The following GRM4 variants were observed in gnomAD, a reference collection of about 807,000 sequenced individuals.
GRM4 encodes the protein metabotropic glutamate receptor 4.
In GRM4, 28 loss-of-function variants were observed where a neutral mutation model predicts 81.7. The observed-to-expected ratio is 0.34, with a 90% CI of 0.25 to 0.47. The LOEUF is 0.47. Among genes scored for constraint, GRM4 ranks in the 20% least tolerant of loss-of-function variants. The pLI is 1.00. For missense variants in GRM4, 948 were observed against 1,290.0 expected, an observed-to-expected ratio of 0.73 and a Z score of 4.06; for synonymous variants, 488 against 528.8, an observed-to-expected ratio of 0.92 and a Z score of 1.06.
chr6:34,106,438 A>G (rs1261198457), intron 2 of GRM4, among the ~76,000 whole-genome samples: 1 of 147,702 alleles, frequency 6.8e-6, no homozygotes, highest in Non-Finnish European at 1.5e-5. Flanking sequence ...AGAAAGAAAG[A>G]AAAAACAGAG....
chr6:34,153,847 A>C (rs1464753803), intron 1 of GRM4, among the ~76,000 whole-genome samples: 4 of 151,810 alleles, frequency 2.6e-5, no homozygotes, highest in African/African-American at 4.8e-5. Context: ...GAATCACTTG[A>C]ACCTGGGAGG....
In GRM4 at chr6:34,042,058, C is replaced by T. The variant is rs184003117; in HGVS notation, c.1169-1310G>A. Among the ~76,000 whole-genome samples the T allele has an allele frequency of 2.9e-3, 446 of 152,282 alleles. 1 individual carries two copies. The highest frequency in any genetic ancestry group is 0.01 in the African/African-American group (418 of 41,552). ...CTTGAGGTCAGGAGTTCAAGACCAG[C>T]CCAGCCAACACGCTGAAACCCCATC... On this transcript the variant is annotated intron_variant, in intron 6 of 10. Coordinates refer to ENST00000538487, the MANE Select transcript of GRM4 (RefSeq NM_000841.4). This position sits in a 1 kb window ranked among gnomAD's most constrained non-coding sequence, Gnocchi z 4.2.
At chr6:34,037,417 T>G (rs908874254) in intron 8 of GRM4, among the ~76,000 whole-genome samples, 1 of 152,206 alleles carries the variant, frequency 6.6e-6, no homozygotes, top group Non-Finnish European at 1.5e-5. Context: ...ACCTGGGAGC[T>G]GTATTCAAAG....
At chr6:34,120,015 G>A (rs1581716875) in intron 2 of GRM4, among the ~76,000 whole-genome samples, 2 of 152,336 alleles carry the variant, frequency 1.3e-5, no homozygotes, top group East Asian at 3.9e-4. Flanking sequence ...TCCAGGGCCA[G>A]GCTGGGGTTG....
At chr6:34,096,018 T>C (rs1372872588) in intron 2 of GRM4, among the ~76,000 whole-genome samples, 1 of 151,952 alleles carries the variant, frequency 6.6e-6, no homozygotes, top group Non-Finnish European at 1.5e-5. Context: ...GCTCCTCTCC[T>C]CTCCCAACAG....
chr6:34,080,830 T>A lies in GRM4; in HGVS notation c.736+11053A>T, dbSNP rs201276124. Among the ~76,000 whole-genome samples the A allele has an allele frequency of 1.6e-4, 23 of 140,444 alleles. No individual in the cohort carries two copies. Among genetic ancestry groups the A allele is most frequent in the African/African-American group, 3.3e-4 (12 of 35,976 alleles). 92.1% of individuals were successfully genotyped at this position (140,444 alleles called of 152,430 possible). A position where few individuals can be genotyped will look rare whatever the true frequency, so the allele number is the denominator to read the frequency against. ...CACTTCTCTCTTCTCTCTCTCTCTCTCACACACACACACACATACACACAC... is the reference window on the plus strand; with the variant it reads ...CACTTCTCTCTTCTCTCTCTCTCTCACACACACACACACACATACACACAC... On this transcript the variant is annotated intron_variant, in intron 3 of 10. Coordinates refer to ENST00000538487, the MANE Select transcript of GRM4 (RefSeq NM_000841.4). This position sits in a 1 kb window ranked among gnomAD's most constrained non-coding sequence, Gnocchi z 5.4.
chr6:34,127,921 T>TA (rs1187979101), intron 2 of GRM4, among the ~76,000 whole-genome samples: 2 of 151,786 alleles, frequency 1.3e-5, no homozygotes, highest in Non-Finnish European at 2.9e-5. Context: ...AAGACAGTGT[T>TA]CCCCCAGGGC....
chr6:34,059,393 T>C lies in GRM4; in HGVS notation c.873-265A>G. The C allele has an allele frequency of 1.9e-6, 1 of 513,486 alleles. No homozygotes were observed. The highest frequency in any genetic ancestry group is 3.6e-6 in the Non-Finnish European group (1 of 281,646). The allele number at this position is 513,486 out of a possible 1,614,324, so 31.8% of individuals were successfully genotyped here. On this transcript the variant is annotated intron_variant, in intron 4 of 10. Coordinates refer to ENST00000538487, the MANE Select transcript of GRM4 (RefSeq NM_000841.4). The surrounding 1 kb of genome is among the most constrained non-coding windows in gnomAD (Gnocchi z 5.7). ...CAGGCCCAGCGTGATTCTCCAGGCCTACATCTGTCCCTGCAAAGACCACAC... is the reference window on the plus strand; with the variant it reads ...CAGGCCCAGCGTGATTCTCCAGGCCCACATCTGTCCCTGCAAAGACCACAC...
Position 34,069,343 on chromosome 6 carries a change from G to C in GRM4, c.737-7315C>G, listed in dbSNP as rs983991041. On this transcript the variant is annotated intron_variant, in intron 3 of 10. Transcript: ENST00000538487. The surrounding 1 kb of genome is among the most constrained non-coding windows in gnomAD (Gnocchi z 6.4). ...GCTACTTTTATTTTCAGCTGGGGGCGAAGCCTGAATGTAAATAATGGAGCC... is the reference window on the plus strand; with the variant it reads ...GCTACTTTTATTTTCAGCTGGGGGCCAAGCCTGAATGTAAATAATGGAGCC... 6.6e-6 allele frequency among the ~76,000 whole-genome samples: 1 copy of C among 152,206 alleles called. No individual in the cohort carries two copies. The highest frequency in any genetic ancestry group is 1.5e-5 in the Non-Finnish European group (1 of 68,030).
intron 2 of GRM4, among the ~76,000 whole-genome samples, chr6:34,132,380 G>A (rs143258614): frequency 3.9e-5 from 6 of 152,268 alleles, no homozygotes; most frequent in Admixed American, 3.3e-4. Context: ...AAAAAATGAG[G>A]ACACATTCTC....
In GRM4 at chr6:34,069,254, C is replaced by T. The variant is rs1766667496; in HGVS notation, c.737-7226G>A. Among the ~76,000 whole-genome samples the T allele has an allele frequency of 1.3e-5, 2 of 152,128 alleles. No individual in the cohort carries two copies. The highest frequency in any genetic ancestry group is 2.1e-4 in the South Asian group (1 of 4,826). ...TCTGACTTCCAAAGCCAGGCCCTTC[C>T]CCAAAACAGCTCTCAGGAAGGGGAC... On this transcript the variant is annotated intron_variant, in intron 3 of 10. Coordinates refer to ENST00000538487, the MANE Select transcript of GRM4 (RefSeq NM_000841.4). This position sits in a 1 kb window ranked among gnomAD's most constrained non-coding sequence, Gnocchi z 6.4.
chr6:34,096,930 G>A (rs1034390805), intron 2 of GRM4, among the ~76,000 whole-genome samples: 1 of 132,712 alleles, frequency 7.5e-6, no homozygotes, highest in Non-Finnish European at 1.9e-5. Context: ...GTGTGTGTGT[G>A]TGTCTGTGTG....
chr6:34,136,561 C>T lies in GRM4; in HGVS notation c.-363-2702G>A, dbSNP rs1263608557. On this transcript the variant is annotated intron_variant, in intron 1 of 10. Coordinates refer to ENST00000538487, the MANE Select transcript of GRM4 (RefSeq NM_000841.4). The surrounding 1 kb of genome is among the most constrained non-coding windows in gnomAD (Gnocchi z 4.1). ...GGGCTGAGCAGTGCATGCGCGCGTG[C>T]GGACACACACACACACACACACACA... Among the ~76,000 whole-genome samples, 6 of 122,632 alleles carry T rather than the reference C, an allele frequency of 4.9e-5. No individual in the cohort carries two copies. Among genetic ancestry groups the T allele is most frequent in the East Asian group, 2.4e-4 (1 of 4,104 alleles). 80.5% of individuals were successfully genotyped at this position (122,632 alleles called of 152,430 possible).
rs137969888 is a variant in GRM4, at chr6:34,040,680, C to T, written c.1237G>A (p.Val413Met). The change falls in exon 7 of 11, where the codon GTG becomes ATG. Residue 413 changes from valine to methionine, a missense_variant. Transcript: ENST00000538487. ...EGKVQFVIDA[V>M]YAMGHALHAM... Reference sequence around the variant, plus strand: ...TGCAGCGCGTGGCCCATGGCGTACACGGCATCGATCACAAACTGCACCTTC... The same window carrying T: ...TGCAGCGCGTGGCCCATGGCGTACATGGCATCGATCACAAACTGCACCTTC... The T allele has an allele frequency of 2.9e-5, 46 of 1,613,898 alleles. No homozygotes were observed. Among genetic ancestry groups the T allele is most frequent in the Middle Eastern group, 1.6e-4 (1 of 6,084 alleles).
rs539310009 is a variant in GRM4 at position 34,127,261 on chromosome 6, C to T, written c.519+5717G>A. On this transcript the variant is annotated intron_variant, in intron 2 of 10. Coordinates refer to ENST00000538487, the MANE Select transcript of GRM4 (RefSeq NM_000841.4). The stretch of plus-strand genomic sequence containing the variant: ...ATAGCCAGGGGCCAGGGAGCTTCTC[C>T]GAAGAGAGGCCATTTAAGCTCAAGG... Among the ~76,000 whole-genome samples, 12 of 152,222 alleles carry T rather than the reference C, an allele frequency of 7.9e-5. No individual in the cohort carries two copies. The South Asian group carries it at 1.5e-3, about 18-fold the overall frequency.
rs1300099288 is a variant in GRM4, at chr6:34,133,883, G to A, written c.-363-24C>T. On this transcript the variant is annotated intron_variant, in intron 1 of 10. Coordinates refer to ENST00000538487, the MANE Select transcript of GRM4 (RefSeq NM_000841.4). The surrounding 1 kb of genome is among the most constrained non-coding windows in gnomAD (Gnocchi z 6.5). ...ACCTTAGAAGGGGAAGAGAGAGAGA[G>A]AATATCAAACAGAAGCCCAAAGAAG... is the stretch of plus-strand genomic sequence containing the variant. 4.0e-6 allele frequency: 4 copies of A among 1,001,094 alleles called. No individual in the cohort carries two copies. Among genetic ancestry groups the A allele is most frequent in the Non-Finnish European group, 4.8e-6 (4 of 834,070 alleles). The allele number at this position is 1,001,094 out of a possible 1,614,324, so 62.0% of individuals were successfully genotyped here.
Position 34,092,159 on chromosome 6 carries a change from C to G in GRM4, c.520-60G>C. The G allele has an allele frequency of 8.5e-7, 1 of 1,179,044 alleles. No individual in the cohort carries two copies. Among genetic ancestry groups the G allele is most frequent in the Non-Finnish European group, 1.2e-6 (1 of 807,456 alleles). 73.0% of individuals were successfully genotyped at this position (1,179,044 alleles called of 1,614,324 possible). On this transcript the variant is annotated intron_variant, in intron 2 of 10. Transcript: ENST00000538487. This position sits in a 1 kb window ranked among gnomAD's most constrained non-coding sequence, Gnocchi z 6.8. Reference sequence around the variant, plus strand: ...TGGCTCCCCACCCTGCCTAGCCAGCCCCATTCCCCTACACACCAACCTCCC... The same window carrying G: ...TGGCTCCCCACCCTGCCTAGCCAGCGCCATTCCCCTACACACCAACCTCCC...
rs755144742 is a variant in GRM4, at chr6:34,056,676, G to T, written c.1036C>A (p.Arg346Ser). 3 of 1,612,970 alleles carry T rather than the reference G, an allele frequency of 1.9e-6. No homozygotes were observed. The highest frequency in any genetic ancestry group is 1.3e-5 in the African/African-American group (1 of 74,878). Residue 346 changes from arginine (R) to serine (S), a missense_variant, in exon 6 of 11, where the codon CGC (arginine) becomes AGC (serine). Transcript: ENST00000538487. ...TCCAGCGTGCGGCTGGAGAAGTAGC[G>T]GTCGAAGCCTGGCAGGGAACCAGGA... Reference protein sequence around the residue: ...PKRMSVRGFDRYFSSRTLDNN... With the variant: ...PKRMSVRGFDSYFSSRTLDNN...
intron 6 of GRM4, among the ~76,000 whole-genome samples, chr6:34,053,092 T>C (rs1765691573): frequency 6.8e-6 from 1 of 146,652 alleles, no homozygotes; most frequent in Non-Finnish European, 1.5e-5. Flanking sequence ...TACACATCAT[T>C]CTCAGCCAGC....
Sources: gnomAD v4.1 joint callset for allele counts (sites outside exome capture counted in the v4.1 genomes callset) on GRCh38, gnomAD v4.1.1 for gene constraint, Gnocchi (gnomAD v3.1) non-coding constraint, MANE v1.5 for transcripts, NCBI Gene and HGNC (gene_info 2026-07-23, HGNC 2026-07-21) for gene names.